PCCA: variants seen among roughly 807,000 people sequenced by gnomAD.
PCCA encodes the protein propionyl-CoA carboxylase alpha chain, mitochondrial.
A neutral mutation model predicts 101.3 loss-of-function variants in PCCA; 74 were observed. That is an observed-to-expected ratio of 0.73 (90% confidence interval 0.61 to 0.89). The LOEUF (loss-of-function observed/expected upper bound fraction) is 0.89. PCCA is among the 40% of genes least tolerant of loss of function. The probability of loss-of-function intolerance (pLI) is 0.00; values close to 1 mark genes in which losing one functional copy is unlikely to be tolerated. For synonymous variants in PCCA, 294 were observed against 313.6 expected, an observed-to-expected ratio of 0.94 and a Z score of 0.66; for missense variants, 891 against 907.0, an observed-to-expected ratio of 0.98 and a Z score of 0.23.
intron 17 of PCCA, among the ~76,000 whole-genome samples, chr13:100,331,093 A>G (rs1428059143): frequency 1.3e-5 from 2 of 152,230 alleles, no homozygotes; most frequent in African/African-American, 4.8e-5. Context: ...TTCTGGTCCT[A>G]TTAATGAAAA....
chr13:100,123,142 C>T (rs148694937), intron 4 of PCCA, among the ~76,000 whole-genome samples: 10 of 152,294 alleles, frequency 6.6e-5, no homozygotes, highest in East Asian at 1.9e-4. Flanking sequence ...TTGCAACCTC[C>T]GCCTCACAGG....
intron 4 of PCCA, among the ~76,000 whole-genome samples, chr13:100,132,486 A>G (rs116583872): frequency 1.4e-3 from 216 of 152,352 alleles, no homozygotes; most frequent in African/African-American, 4.9e-3. Flanking sequence ...GTGTGTATCA[A>G]TAGAATGTTC....
chr13:100,448,112 A>G (rs2080968707), intron 20 of PCCA, among the ~76,000 whole-genome samples: 1 of 152,240 alleles, frequency 6.6e-6, no homozygotes, highest in African/African-American at 2.4e-5. Flanking sequence ...CTTTGAAGTC[A>G]CTGAGCCCTC....
chr13:100,464,605 T>G (rs1417584757), intron 21 of PCCA: 4 of 152,200 alleles, frequency 2.6e-5, no homozygotes, highest in Non-Finnish European at 5.9e-5. Flanking sequence ...TATTGTTCCC[T>G]TTTATTTGAA....
chr13:100,220,074 G>T (rs2059727692), intron 7 of PCCA, among the ~76,000 whole-genome samples: 1 of 151,986 alleles, frequency 6.6e-6, no homozygotes, highest in South Asian at 2.1e-4. Flanking sequence ...AAGGAGCTGG[G>T]GTCACAACTA....
intron 19 of PCCA, among the ~76,000 whole-genome samples, chr13:100,391,781 G>A (rs1371914596): frequency 7.2e-6 from 1 of 139,178 alleles, no homozygotes; most frequent in African/African-American, 2.7e-5. Context: ...TCAAATTGGT[G>A]TCTTGTGAGA....
At chr13:100,118,580 C>T (rs1221084224) in intron 4 of PCCA, among the ~76,000 whole-genome samples, 1 of 152,010 alleles carries the variant, frequency 6.6e-6, no homozygotes, top group Non-Finnish European at 1.5e-5. Flanking sequence ...GACAGAGTCT[C>T]TCTCAGTTGC....
At chr13:100,225,268 G>C (rs146390346) in intron 7 of PCCA, among the ~76,000 whole-genome samples, 49 of 152,288 alleles carry the variant, frequency 3.2e-4, no homozygotes, top group African/African-American at 1.2e-3. Context: ...GTGAAGTGGA[G>C]GGAAGGATCA....
In PCCA at chr13:100,500,655, A is replaced by G. The variant is rs553713553; in HGVS notation, c.1900-14772A>G. On this transcript the variant is annotated intron_variant, in intron 21 of 23. Coordinates refer to ENST00000376285, the MANE Select transcript of PCCA (RefSeq NM_000282.4). ...AGAATATTAAGGTTACTTACAGACT[A>G]GAGAGGCCTTCAGTCTATATTAACG... is the stretch of plus-strand genomic sequence containing the variant. 2.0e-5 allele frequency among the ~76,000 whole-genome samples: 3 copies of G among 152,320 alleles called. No homozygotes were observed. In the South Asian group the frequency reaches 6.2e-4, roughly 32 times the overall value.
intron 21 of PCCA, among the ~76,000 whole-genome samples, chr13:100,513,854 ACT>A (rs1322639645): frequency 1.3e-5 from 2 of 152,158 alleles, no homozygotes; most frequent in Non-Finnish European, 2.9e-5. Flanking sequence ...TTTTTTGTTG[ACT>A]CTGATGCCTC....
intron 8 of PCCA, among the ~76,000 whole-genome samples, chr13:100,241,455 T>C (rs1364562354): frequency 2.6e-5 from 4 of 152,168 alleles, no homozygotes; most frequent in African/African-American, 9.7e-5. Flanking sequence ...CTATTGTATG[T>C]ACATGCCACA....
At chr13:100,442,728 A>C (rs2080472074) in intron 20 of PCCA, among the ~76,000 whole-genome samples, 1 of 152,216 alleles carries the variant, frequency 6.6e-6, no homozygotes, top group African/African-American at 2.4e-5. Flanking sequence ...TTGGATGAAG[A>C]CTATGAAATT....
At chr13:100,169,168 G>A (rs554110943) in intron 6 of PCCA, among the ~76,000 whole-genome samples, 12 of 152,146 alleles carry the variant, frequency 7.9e-5, no homozygotes, top group African/African-American at 2.4e-4. Context: ...TTGGCCAGGC[G>A]CAGTGGCTCA....
At chr13:100,458,294 T>TACACACACACACACACAC (rs57961819) in intron 21 of PCCA, among the ~76,000 whole-genome samples, 1 of 86,480 alleles carries the variant, frequency 1.2e-5, no homozygotes, top group African/African-American at 5.0e-5. Context: ...ACCCCATCTC[T>TACACACACACACACACAC]ACACACACAC....
At chr13:100,358,995 G>A (rs924303165) in intron 18 of PCCA, among the ~76,000 whole-genome samples, 10 of 151,742 alleles carry the variant, frequency 6.6e-5, no homozygotes, top group African/African-American at 2.4e-4. Flanking sequence ...TACTAGGGAG[G>A]CTGAGGCAGG....
At position 100,422,062 on chromosome 13, in the gene PCCA, CTCTTTTCTT is replaced by C. The variant is rs1355711429; in HGVS notation, c.1747-3569_1747-3561del. Among the ~76,000 whole-genome samples, 483 of 56,124 alleles carry C rather than the reference CTCTTTTCTT, an allele frequency of 8.6e-3. 5 individuals carry two copies. Among genetic ancestry groups the C allele is most frequent in the South Asian group, 0.054 (60 of 1,110 alleles). 36.8% of individuals were successfully genotyped at this position (56,124 alleles called of 152,430 possible). A position where few individuals can be genotyped will look rare whatever the true frequency, so the allele number is the denominator to read the frequency against. On this transcript the variant is annotated intron_variant, in intron 19 of 23. Transcript: ENST00000376285. Reference sequence around the variant, plus strand: ...CTTTTCTTTCTTTTCCTTTTCTCTTCTCTTTTCTTTTCTTTCTTTCTTTCTTTCTTTCTT... The same window carrying C: ...CTTTTCTTTCTTTTCCTTTTCTCTTCTTCTTTCTTTCTTTCTTTCTTTCTT...
In PCCA at chr13:100,368,536, C is replaced by A; in HGVS notation, c.1708C>A (p.His570Asn). ...ELSVKLHDKV[H>N]TVVASNNGSV... Reference sequence around the variant, plus strand: ...CTCAGTAAAATTGCATGATAAAGTTCATACCGTAGTAGCATCAAACAATGG... The same window carrying A: ...CTCAGTAAAATTGCATGATAAAGTTAATACCGTAGTAGCATCAAACAATGG... Residue 570 changes from histidine (H) to asparagine (N), a missense_variant, in exon 19 of 24, where the codon CAT (histidine) becomes AAT (asparagine). Physicochemically the swap from His to Asn is moderately conservative, Grantham distance 68. Transcript: ENST00000376285. 2 of 1,610,760 alleles carry A rather than the reference C, an allele frequency of 1.2e-6. No individual in the cohort carries two copies. Among genetic ancestry groups the A allele is most frequent in the Non-Finnish European group, 1.7e-6 (2 of 1,177,682 alleles).
chr13:100,459,949 G>C (rs1182611694), intron 21 of PCCA, among the ~76,000 whole-genome samples: 1 of 152,140 alleles, frequency 6.6e-6, no homozygotes, highest in African/African-American at 2.4e-5. Context: ...TCCCATCATG[G>C]GGCCCCACCC....
chr13:100,492,327 G>A (rs1303645184), intron 21 of PCCA, among the ~76,000 whole-genome samples: 1 of 152,044 alleles, frequency 6.6e-6, no homozygotes, highest in Admixed American at 6.6e-5. Context: ...GTAGAGACAG[G>A]GTTTCACTGT....
Sources: allele counts gnomAD v4.1 joint callset (sites outside exome capture counted in the v4.1 genomes callset), GRCh38; gene constraint gnomAD v4.1.1; transcripts MANE v1.5; gene names NCBI Gene and HGNC (gene_info 2026-07-23, HGNC 2026-07-21).